Variants in MTREX observed in about 807,000 individuals in gnomAD.
The protein encoded by MTREX is exosome RNA helicase MTR4.
A neutral mutation model predicts 135.4 loss-of-function variants in MTREX; 76 were observed. The ratio of observed to expected loss-of-function variants is 0.56; its 90% CI spans 0.47 to 0.68. The LOEUF (loss-of-function observed/expected upper bound fraction) is 0.68, where lower values mean the gene tolerates loss of function less well. Ranked by LOEUF, MTREX falls within the 30% of genes least tolerant of loss-of-function variation. The pLI is 0.00. For synonymous variants in MTREX, 404 were observed against 401.6 expected (o/e 1.01, Z -0.07); for missense variants, 920 against 1,262.1 (o/e 0.73, Z 4.11).
chr5:55,357,913 G>T (rs996811372), intron 14 of MTREX, among the ~76,000 whole-genome samples: 4 of 152,118 alleles, frequency 2.6e-5, no homozygotes, highest in African/African-American at 9.7e-5. Flanking sequence ...TACATACCAA[G>T]AAAATAGGAG....
intron 16 of MTREX, among the ~76,000 whole-genome samples, chr5:55,374,058 G>C (rs1750252358): frequency 1.3e-5 from 2 of 152,000 alleles, no homozygotes; most frequent in South Asian, 2.1e-4. Flanking sequence ...AGGAGTTCAA[G>C]ACCAGCCTGG....
At chr5:55,379,598 ACACACACACACACT>A (rs931747627) in intron 18 of MTREX, among the ~76,000 whole-genome samples, 15 of 141,384 alleles carry the variant, frequency 1.1e-4, no homozygotes, top group African/African-American at 3.8e-4. Context: ...ACACACACAC[ACACACACACACACT>A]CAGAGAGACA....
chr5:55,337,964 G>GA (rs1288677468), intron 5 of MTREX, among the ~76,000 whole-genome samples: 10 of 151,938 alleles, frequency 6.6e-5, no homozygotes, highest in Non-Finnish European at 1.2e-4. Flanking sequence ...ACAATTTATG[G>GA]AAAATATTGA....
At chr5:55,394,892 G>T (rs1311592307) in intron 19 of MTREX, among the ~76,000 whole-genome samples, 1 of 151,908 alleles carries the variant, frequency 6.6e-6, no homozygotes, top group African/African-American at 2.4e-5. Context: ...AATTAGCCAG[G>T]CATGGTGGCA....
intron 5 of MTREX, among the ~76,000 whole-genome samples, chr5:55,333,296 T>C (rs978156510): frequency 4.3e-4 from 65 of 152,194 alleles, no homozygotes; most frequent in African/African-American, 1.5e-3. Flanking sequence ...ACCCTAGTTA[T>C]GTTCAGTGGA....
intron 15 of MTREX, among the ~76,000 whole-genome samples, chr5:55,361,965 G>A (rs113074935): frequency 0.024 from 3,605 of 151,854 alleles, 86 homozygotes; most frequent in Non-Finnish European, 0.032. Context: ...TGCCCAGGCC[G>A]GAGTGCAGTG....
At chr5:55,313,166 A>G (rs1237982344) in intron 1 of MTREX, among the ~76,000 whole-genome samples, 4 of 151,656 alleles carry the variant, frequency 2.6e-5, no homozygotes, top group African/African-American at 4.9e-5. Flanking sequence ...GGCCAGGCAC[A>G]TGGCTCATTT....
intron 16 of MTREX, among the ~76,000 whole-genome samples, chr5:55,371,578 T>G (rs1034682280): frequency 2.6e-5 from 4 of 152,144 alleles, no homozygotes; most frequent in South Asian, 2.1e-4. Context: ...TAAACTAGCT[T>G]CTTATACTAA....
intron 1 of MTREX, among the ~76,000 whole-genome samples, chr5:55,313,273 CAAAA>C: frequency 1.0e-5 from 1 of 97,056 alleles, no homozygotes. Flanking sequence ...CCTGTCTCTA[CAAAA>C]AAAAAAAAAA....
In MTREX at chr5:55,344,508, C is replaced by G; in HGVS notation, c.907-14C>G. ...GAAATAAAATTTTGTATGTTTAATT[C>G]TTTCTTTTTACAGCCTTGTCATGTT... On this transcript the variant is annotated splice_polypyrimidine_tract_variant and intron_variant, in intron 8 of 26. Transcript: ENST00000230640. The G allele has an allele frequency of 6.4e-7, 1 of 1,556,548 alleles. No homozygotes were observed. The highest frequency in any genetic ancestry group is 8.9e-7 in the Non-Finnish European group (1 of 1,129,536).
At chr5:55,351,317 G>A (rs1310942332) in intron 13 of MTREX, among the ~76,000 whole-genome samples, 2 of 152,108 alleles carry the variant, frequency 1.3e-5, no homozygotes, top group Admixed American at 6.5e-5. Context: ...TGGATTACCT[G>A]AGGTCGGGAG....
At chr5:55,361,297 G>A (rs918569246) in intron 15 of MTREX, among the ~76,000 whole-genome samples, 1 of 151,560 alleles carries the variant, frequency 6.6e-6, no homozygotes, top group African/African-American at 2.4e-5. Context: ...TGTAGAAATA[G>A]TAGGTTTACT....
In MTREX at chr5:55,336,263, T is replaced by C. The variant is rs572260478; in HGVS notation, c.516-3747T>C. 2.0e-5 allele frequency among the ~76,000 whole-genome samples: 3 copies of C among 152,304 alleles called. No homozygotes were observed. In the South Asian group the frequency reaches 6.2e-4, roughly 32 times the overall value. ...CAATATCTAGTACAACGTTGGATAG[T>C]ACTGAGAGTGGACATCCTTGCCTTA... On this transcript the variant is annotated intron_variant, in intron 5 of 26. Coordinates refer to ENST00000230640, the MANE Select transcript of MTREX (RefSeq NM_015360.5).
intron 3 of MTREX, among the ~76,000 whole-genome samples, chr5:55,327,006 A>T (rs1238856175): frequency 6.6e-6 from 1 of 152,168 alleles, no homozygotes; most frequent in Non-Finnish European, 1.5e-5. Context: ...CTTCATCCAT[A>T]TCCCTGCAAA....
chr5:55,389,604 T>C (rs1750532618), intron 19 of MTREX, among the ~76,000 whole-genome samples: 1 of 152,162 alleles, frequency 6.6e-6, no homozygotes, highest in Admixed American at 6.5e-5. Flanking sequence ...GGGTAATTAG[T>C]AAAGCTTTAT....
chr5:55,331,549 TCTC>T (rs1230454560), intron 5 of MTREX, among the ~76,000 whole-genome samples: 4 of 152,320 alleles, frequency 2.6e-5, no homozygotes, highest in South Asian at 4.1e-4. Flanking sequence ...TTTTATCTCT[TCTC>T]CTCTTGGTTG....
rs756687822 is a variant in MTREX at position 55,324,177 on chromosome 5, T to C, written c.318T>C (p.Thr106=). ...MPRVKVQSVE[T]VEGCTHEVAL... ...GAGTCAAGGTACAATCAGTTGAAAC[T>C]GTTGAAGGGTGTACACATGAGGTAA... The change falls in exon 3 of 27, where the codon ACT becomes ACC. Residue 106 remains threonine, a synonymous_variant. Transcript: ENST00000230640. The C allele has an allele frequency of 1.2e-6, 2 of 1,610,664 alleles. No individual in the cohort carries two copies. Among genetic ancestry groups the C allele is most frequent in the South Asian group, 2.2e-5 (2 of 90,790 alleles).
chr5:55,359,707 T>A (rs1345244823), intron 15 of MTREX, among the ~76,000 whole-genome samples: 1 of 152,216 alleles, frequency 6.6e-6, no homozygotes, highest in Admixed American at 6.5e-5. Flanking sequence ...TTTATTCTTT[T>A]CTCTAATTGT....
intron 1 of MTREX, among the ~76,000 whole-genome samples, chr5:55,319,556 T>C (rs1397120482): frequency 6.6e-6 from 1 of 152,218 alleles, no homozygotes; most frequent in Non-Finnish European, 1.5e-5. Context: ...TGGTGCTCTT[T>C]CTTGTGCTAT....
Sources: gnomAD v4.1 joint callset for allele counts (sites outside exome capture counted in the v4.1 genomes callset) on GRCh38, gnomAD v4.1.1 for gene constraint, MANE v1.5 for transcripts, NCBI Gene and HGNC (gene_info 2026-07-23, HGNC 2026-07-21) for gene names.